The following PRH1 variants were observed in gnomAD, a reference collection of about 807,000 sequenced individuals.
PRH1 encodes the protein proline rich protein HaeIII subfamily 1.
A neutral mutation model predicts 7.9 loss-of-function variants in PRH1; 7 were observed. The observed-to-expected ratio is 0.89, with a 90% CI of 0.50 to 1.67. The LOEUF (loss-of-function observed/expected upper bound fraction) is 1.67, where lower values mean the gene tolerates loss of function less well. Ranked by LOEUF, PRH1 falls within the 40% of genes most tolerant of loss-of-function variation. The pLI is 0.00. For synonymous variants in PRH1, 45 were observed against 80.8 expected, an observed-to-expected ratio of 0.56 and a Z score of 2.38; for missense variants, 109 against 223.6, an observed-to-expected ratio of 0.49 and a Z score of 3.27.
intron 2 of PRH1, among the ~76,000 whole-genome samples, chr12:10,897,607 C>A (rs1054169215): frequency 1.3e-5 from 2 of 152,126 alleles, no homozygotes; most frequent in African/African-American, 4.8e-5. Flanking sequence ...GGAAGCATGG[C>A]GGCATCTGTT....
intron 1 of PRH1, among the ~76,000 whole-genome samples, chr12:11,086,238 G>C (rs1397545336): frequency 6.8e-6 from 1 of 146,622 alleles, no homozygotes; most frequent in Admixed American, 6.9e-5. Flanking sequence ...CTCATGCTTA[G>C]GCCTTTGACT....
chr12:11,153,865 T>C (rs1481613140), intron 1 of PRH1, among the ~76,000 whole-genome samples: 1 of 152,148 alleles, frequency 6.6e-6, no homozygotes, highest in Non-Finnish European at 1.5e-5. Flanking sequence ...TATAACAATA[T>C]AATACATATA....
chr12:11,137,839 T>C (rs1430087044), intron 1 of PRH1, among the ~76,000 whole-genome samples: 2 of 152,276 alleles, frequency 1.3e-5, no homozygotes, highest in Admixed American at 1.3e-4. Context: ...TAGATGTGGA[T>C]ATAGATAATG....
At chr12:11,070,810 A>T (rs1355296384) in intron 1 of PRH1, among the ~76,000 whole-genome samples, 2 of 146,708 alleles carry the variant, frequency 1.4e-5, no homozygotes, top group Middle Eastern at 3.2e-3. Context: ...TTTCTTTTTA[A>T]TTTTCTTTTG....
rs774163843 is a variant in PRH1 at position 11,061,759 on chromosome 12, A to G, written n.124-14571T>C. On this transcript the variant is annotated intron_variant and non_coding_transcript_variant, in intron 1 of 4. Coordinates refer to the PRH1 transcript ENST00000541977. Reference sequence around the variant, plus strand: ...GGGAACTAAGTTTGCTAGGATGGTTACCGTTGTATTTGAAAGGTACATTGC... The same window carrying G: ...GGGAACTAAGTTTGCTAGGATGGTTGCCGTTGTATTTGAAAGGTACATTGC... 6 of 1,613,964 alleles carry G rather than the reference A, an allele frequency of 3.7e-6. No individual in the cohort carries two copies. In the East Asian group the frequency reaches 8.9e-5, roughly 24 times the overall value.
intron 2 of PRH1, among the ~76,000 whole-genome samples, chr12:10,942,635 T>G (rs1950421156): frequency 6.6e-6 from 1 of 152,140 alleles, no homozygotes; most frequent in South Asian, 2.1e-4. Flanking sequence ...GCTACCCACC[T>G]CCTAGCTGTG....
At chr12:11,021,676 C>A (rs139129245) in intron 1 of PRH1, 35 of 1,608,644 alleles carry the variant, frequency 2.2e-5, no homozygotes, top group Middle Eastern at 1.7e-4. Flanking sequence ...TTTCACTCAG[C>A]GTGTCATCTG....
intron 1 of PRH1, among the ~76,000 whole-genome samples, chr12:11,102,380 A>G (rs1000180505): frequency 2.0e-5 from 3 of 152,222 alleles, no homozygotes; most frequent in African/African-American, 4.8e-5. Context: ...GCCCTCACAA[A>G]TAATATGACA....
At chr12:10,882,785 C>T (rs1449985429) in intron 2 of PRH1, 87 bp from the exon 3 acceptor site, 1 of 1,572,240 alleles carries the variant, frequency 6.4e-7, no homozygotes, top group Admixed American at 1.8e-5. Flanking sequence ...CACGGCCGGC[C>T]CCTCTCTGCC....
intron 2 of PRH1, among the ~76,000 whole-genome samples, chr12:10,923,214 C>T (rs1250991930): frequency 2.0e-5 from 3 of 151,760 alleles, no homozygotes; most frequent in Non-Finnish European, 2.9e-5. Flanking sequence ...CCACCTCTGC[C>T]TCCCAGGTTC....
chr12:10,979,935 A>G (rs572226842), intron 1 of PRH1, among the ~76,000 whole-genome samples: 115 of 152,336 alleles, frequency 7.5e-4, no homozygotes, highest in Non-Finnish European at 1.3e-3. Context: ...ATGGAAGGAA[A>G]GATGAGTAAT....
intron 1 of PRH1, chr12:11,159,348 C>T (rs61928604): frequency 0.75 from 111,917 of 149,796 alleles, 44,217 homozygotes; most frequent in East Asian, 0.96. Flanking sequence ...AAAAAATAAG[C>T]GGGAGAAATT....
At chr12:10,945,428 C>T (rs1377227907) in intron 2 of PRH1, among the ~76,000 whole-genome samples, 3 of 152,058 alleles carry the variant, frequency 2.0e-5, no homozygotes, top group Admixed American at 6.5e-5. Context: ...CACATGTTGG[C>T]AGGTTCAGTG....
At chr12:11,119,233 G>T (rs755084104), downstream of PRH1, among the ~76,000 whole-genome samples, 13 of 151,932 alleles carry the variant, frequency 8.6e-5, no homozygotes, top group Non-Finnish European at 1.6e-4. Context: ...TGAACTCGTG[G>T]ACATAGAGAG....
chr12:11,105,811 G>A (rs1422079677), intron 1 of PRH1, among the ~76,000 whole-genome samples: 2 of 152,126 alleles, frequency 1.3e-5, no homozygotes, highest in Non-Finnish European at 2.9e-5. Context: ...ATTTTTCAAC[G>A]TGAGTAATAT....
At chr12:10,901,493 GC>G (rs1949723296) in intron 2 of PRH1, among the ~76,000 whole-genome samples, 1 of 152,126 alleles carries the variant, frequency 6.6e-6, no homozygotes, top group Non-Finnish European at 1.5e-5. Context: ...AGGTGGACCT[GC>G]CTTGTCTGGC....
chr12:10,907,522 TGTG>T (rs1949822083), intron 2 of PRH1, among the ~76,000 whole-genome samples: 1 of 151,982 alleles, frequency 6.6e-6, no homozygotes, highest in South Asian at 2.1e-4. Context: ...TATGTGTGTG[TGTG>T]TGTGTGTATA....
intron 2 of PRH1, among the ~76,000 whole-genome samples, chr12:10,946,156 T>C (rs1294703969): frequency 6.6e-6 from 1 of 152,202 alleles, no homozygotes; most frequent in East Asian, 1.9e-4. Context: ...AAGACAGGCA[T>C]AGGAAATCAC....
intron 2 of PRH1, chr12:10,929,372 A>C: frequency 1.2e-6 from 2 of 1,613,418 alleles, no homozygotes; most frequent in Non-Finnish European, 1.7e-6. Context: ...TGTGACTCTG[A>C]TTGGGGTTTA....
Sources: gnomAD v4.1 joint callset for allele counts (sites outside exome capture counted in the v4.1 genomes callset) on GRCh38, gnomAD v4.1.1 for gene constraint, MANE v1.5 for transcripts, NCBI Gene and HGNC (gene_info 2026-07-23, HGNC 2026-07-21) for gene names.